CAV2: variants seen among roughly 807,000 people sequenced by gnomAD.
The protein encoded by CAV2 is caveolin 2.
Under a neutral mutation model 15.5 loss-of-function variants are expected in CAV2, and 7 were observed. The observed-to-expected ratio is 0.45, with a 90% CI of 0.26 to 0.85. CAV2 has a LOEUF of 0.85. Ranked by LOEUF, CAV2 falls within the 40% of genes least tolerant of loss-of-function variation. The pLI, the probability that CAV2 is intolerant of heterozygous loss-of-function variation, is 0.18. For missense variants in CAV2, 229 were observed against 208.8 expected (o/e 1.10, Z -0.60); for synonymous variants, 76 against 83.1 (o/e 0.91, Z 0.46).
intron 2 of CAV2, among the ~76,000 whole-genome samples, chr7:116,502,177 A>T (rs1215158150): frequency 1.3e-5 from 2 of 151,852 alleles, no homozygotes; most frequent in Admixed American, 6.6e-5. Context: ...GAAAAAAAAA[A>T]GTTTCTCATT....
At position 116,508,280 on chromosome 7, in the gene CAV2, C is replaced by T. The variant is rs1418558240; in HGVS notation, c.*2159C>T. ...AAACAGCTATTGGCAAGTTTTAAACCCAAAATATATACACATAGTTCTGTA... is the reference window on the plus strand; with the variant it reads ...AAACAGCTATTGGCAAGTTTTAAACTCAAAATATATACACATAGTTCTGTA... On this transcript the variant is annotated 3_prime_UTR_variant, in exon 3 of 3. Transcript: ENST00000222693. 6.6e-6 allele frequency: 1 copy of T among 152,064 alleles called. No homozygotes were observed. Among genetic ancestry groups the T allele is most frequent in the Non-Finnish European group, 1.5e-5 (1 of 67,998 alleles). The allele number at this position is 152,064 out of a possible 1,614,324, so 9.4% of individuals were successfully genotyped here.
In CAV2 at chr7:116,500,276, T is replaced by A. The variant is rs567885211; in HGVS notation, c.167T>A (p.Val56Glu). 8.1e-6 allele frequency: 13 copies of A among 1,614,030 alleles called. No homozygotes were observed. The East Asian group carries it at 2.5e-4, about 30-fold the overall frequency. Residue 56 changes from valine to glutamate, a missense_variant, in exon 2 of 3, where the codon GTG (valine) becomes GAG (glutamate). Physicochemically the swap from Val to Glu is moderately radical, Grantham distance 121. Coordinates refer to ENST00000222693, the MANE Select transcript of CAV2 (RefSeq NM_001233.5). ...TCTCCTCAGCTGGGCTTCGAGGATG[T>A]GATCGCAGAGCCGGTGACTACGCAC... The part of the protein sequence containing the change: ...NSHLKLGFED[V>E]IAEPVTTHSF...
intron 2 of CAV2, chr7:116,500,767 T>G: frequency 3.3e-6 from 1 of 306,816 alleles, no homozygotes; most frequent in Non-Finnish European, 6.0e-6. Context: ...CTCGGGGCCC[T>G]GTTGTGACTC....
rs565060268 is a variant in CAV2 at position 116,507,204 on chromosome 7, A to G, written c.*1083A>G. ...CAACTACAGTGATTCATGTAGAGAGACAGGGGAGTTGTCAACTTGGGCTAC... is the reference window on the plus strand; with the variant it reads ...CAACTACAGTGATTCATGTAGAGAGGCAGGGGAGTTGTCAACTTGGGCTAC... On this transcript the variant is annotated 3_prime_UTR_variant, in exon 3 of 3. Transcript: ENST00000222693. 3 of 152,740 alleles carry G rather than the reference A, an allele frequency of 2.0e-5. No homozygotes were observed. The East Asian group carries it at 5.8e-4, about 29-fold the overall frequency. 9.5% of individuals were successfully genotyped at this position (152,740 alleles called of 1,614,324 possible).
Position 116,499,804 on chromosome 7 carries a change from C to A in CAV2, c.23C>A (p.Ala8Glu). 1 of 1,585,800 alleles carries A rather than the reference C, an allele frequency of 6.3e-7. No individual in the cohort carries two copies. The highest frequency in any genetic ancestry group is 8.6e-7 in the Non-Finnish European group (1 of 1,168,186). The part of the protein sequence containing the change: MGLETEK[A>E]DVQLFMDDDS... ...GCGATGGGGCTGGAGACGGAGAAGGCGGACGTACAGCTCTTCATGGACGAC... is the reference window on the plus strand; with the variant it reads ...GCGATGGGGCTGGAGACGGAGAAGGAGGACGTACAGCTCTTCATGGACGAC... Residue 8 changes from alanine to glutamate, a missense_variant, in exon 1 of 3, where the codon GCG (alanine) becomes GAG (glutamate). By Grantham distance (107) the Ala-to-Glu change is moderately radical. Coordinates refer to ENST00000222693, the MANE Select transcript of CAV2 (RefSeq NM_001233.5).
intron 2 of CAV2, among the ~76,000 whole-genome samples, chr7:116,502,229 A>C (rs1420688576): frequency 6.6e-6 from 1 of 152,194 alleles, no homozygotes; most frequent in African/African-American, 2.4e-5. Context: ...ACAATTAACC[A>C]AGCAATGCCT....
chr7:116,500,314 GTGTGGATC>G lies in CAV2; in HGVS notation c.208_215del (p.Trp70GlnfsTer6). Reference sequence around the variant, plus strand: ...GGTGACTACGCACTCCTTTGACAAAGTGTGGATCTGCAGCCATGCCCTCTTTGAAATCA... The same window carrying G: ...GGTGACTACGCACTCCTTTGACAAAGTGCAGCCATGCCCTCTTTGAAATCA... On this transcript the variant is annotated frameshift_variant, in exon 2 of 3. Transcript: ENST00000222693. LOFTEE classifies it high-confidence loss of function. 6.2e-7 allele frequency: 1 copy of G among 1,614,246 alleles called. No homozygotes were observed. Among genetic ancestry groups the G allele is most frequent in the Non-Finnish European group, 8.5e-7 (1 of 1,180,042 alleles).
At chr7:116,502,429 G>A (rs572975652) in intron 2 of CAV2, among the ~76,000 whole-genome samples, 1 of 152,234 alleles carries the variant, frequency 6.6e-6, no homozygotes, top group African/African-American at 2.4e-5. Context: ...CCAGGCAGCT[G>A]TGATTGCAAG....
intron 2 of CAV2, 39 bp downstream of exon 2, chr7:116,500,486 C>G: frequency 1.3e-6 from 2 of 1,587,046 alleles, no homozygotes; most frequent in Non-Finnish European, 8.6e-7. Flanking sequence ...CTTTCTGAAA[C>G]ATGGGCATAT....
At chr7:116,500,219 G>A (rs774126064) in intron 1 of CAV2, 41 bp from the exon 2 acceptor site, 1 of 1,593,018 alleles carries the variant, frequency 6.3e-7, no homozygotes, top group East Asian at 2.2e-5. Context: ...GGGGCGTCAG[G>A]TTGGCTGACA....
intron 2 of CAV2, among the ~76,000 whole-genome samples, chr7:116,503,672 T>C (rs1237135693): frequency 6.6e-6 from 1 of 151,760 alleles, no homozygotes; most frequent in East Asian, 1.9e-4. Flanking sequence ...CTACTAAAAA[T>C]ACAAAAATTA....
chr7:116,505,890 T>G, intron 2 of CAV2, 81 bp from the exon 3 acceptor site: 4 of 895,616 alleles, frequency 4.5e-6, no homozygotes, highest in Non-Finnish European at 6.8e-6. Flanking sequence ...GGGTCAGTAT[T>G]TTATCTTTTC....
At chr7:116,501,736 A>T (rs543083571) in intron 2 of CAV2, among the ~76,000 whole-genome samples, 23 of 152,304 alleles carry the variant, frequency 1.5e-4, no homozygotes, top group African/African-American at 5.5e-4. Flanking sequence ...AAAGGAGTCG[A>T]AAAAGACTTT....
Position 116,507,827 on chromosome 7 carries a change from G to A in CAV2, c.*1706G>A, listed in dbSNP as rs191024448. 5.3e-5 allele frequency: 8 copies of A among 152,198 alleles called. No individual in the cohort carries two copies. Among genetic ancestry groups the A allele is most frequent in the African/African-American group, 1.7e-4 (7 of 41,492 alleles). 9.4% of individuals were successfully genotyped at this position (152,198 alleles called of 1,614,324 possible). A position where few individuals can be genotyped will look rare whatever the true frequency, so the allele number is the denominator to read the frequency against. ...TGCTTAAATTTCAGAATTACCATCA[G>A]AACCTCAATTGACATTCCTTTGAAT... On this transcript the variant is annotated 3_prime_UTR_variant, in exon 3 of 3. Coordinates refer to ENST00000222693, the MANE Select transcript of CAV2 (RefSeq NM_001233.5).
intron 2 of CAV2, among the ~76,000 whole-genome samples, chr7:116,503,748 C>A (rs13229461): frequency 2.0e-5 from 3 of 151,160 alleles, no homozygotes; most frequent in Non-Finnish European, 4.4e-5. Flanking sequence ...GAGAATCACT[C>A]GAACCCGGGA....
chr7:116,501,771 A>G (rs992610247), intron 2 of CAV2, among the ~76,000 whole-genome samples: 2 of 152,236 alleles, frequency 1.3e-5, no homozygotes, highest in African/African-American at 4.8e-5. Context: ...AAATTCACCA[A>G]ATACGTAAAG....
At chr7:116,505,072 G>A (rs1299042353) in intron 2 of CAV2, among the ~76,000 whole-genome samples, 2 of 152,310 alleles carry the variant, frequency 1.3e-5, no homozygotes, top group East Asian at 3.9e-4. Flanking sequence ...CAGAAATACA[G>A]CATCTATTTA....
chr7:116,506,085 C>T lies in CAV2; in HGVS notation c.453C>T (p.Cys151=), dbSNP rs201398060. 12 of 1,613,980 alleles carry T rather than the reference C, an allele frequency of 7.4e-6. No homozygotes were observed. The highest frequency in any genetic ancestry group is 1.0e-5 in the Non-Finnish European group (12 of 1,179,962). Residue 151 remains cysteine (C), a synonymous_variant, in exon 3 of 3, where the codon TGC becomes TGT. Coordinates refer to ENST00000222693, the MANE Select transcript of CAV2 (RefSeq NM_001233.5). ...IAPLCTSVGR[C]FSSVSLQLSQ... Reference sequence around the variant, plus strand: ...CATTGTGTACGAGCGTAGGACGATGCTTCTCTTCTGTCAGCCTGCAACTGA... The same window carrying T: ...CATTGTGTACGAGCGTAGGACGATGTTTCTCTTCTGTCAGCCTGCAACTGA...
At chr7:116,503,599 TG>T (rs35300799) in intron 2 of CAV2, among the ~76,000 whole-genome samples, 10,888 of 152,026 alleles carry the variant, frequency 0.072, 606 homozygotes, top group East Asian at 0.16. Context: ...GAGGCCAAGC[TG>T]GGCAGATCAC....
Sources: gnomAD v4.1 joint callset for allele counts (sites outside exome capture counted in the v4.1 genomes callset) on GRCh38, gnomAD v4.1.1 for gene constraint, MANE v1.5 for transcripts, NCBI Gene and HGNC (gene_info 2026-07-23, HGNC 2026-07-21) for gene names.